The following KAZN variants were observed in gnomAD, a reference collection of about 807,000 sequenced individuals.
The protein encoded by KAZN is kazrin.
KAZN carries 40 observed loss-of-function variants against 87.4 expected under a neutral mutation model. The observed-to-expected ratio is 0.46, with a 90% CI of 0.36 to 0.60. The LOEUF is 0.60. KAZN is among the 20% of genes least tolerant of loss of function. KAZN has a pLI of 0.00. For synonymous variants in KAZN, 466 were observed against 458.3 expected, an observed-to-expected ratio of 1.02 and a Z score of -0.22; for missense variants, 898 against 1,073.9, an observed-to-expected ratio of 0.84 and a Z score of 2.29.
intron 2 of KAZN, among the ~76,000 whole-genome samples, chr1:14,252,055 A>G (rs551592844): frequency 1.8e-4 from 28 of 152,288 alleles, no homozygotes; most frequent in African/African-American, 6.7e-4. Flanking sequence ...AGGAGCCCAG[A>G]TTCAACAGAT....
intron 2 of KAZN, among the ~76,000 whole-genome samples, chr1:14,299,840 C>A (rs1654409479): frequency 6.6e-6 from 1 of 152,170 alleles, no homozygotes; most frequent in South Asian, 2.1e-4. Context: ...CATGGCCAAG[C>A]CCAAAGTCAG....
At chr1:14,991,222 T>C (rs904509073) in intron 2 of KAZN, among the ~76,000 whole-genome samples, 3 of 151,892 alleles carry the variant, frequency 2.0e-5, no homozygotes, top group Non-Finnish European at 4.4e-5. Context: ...GGCGTGGTGG[T>C]GGGCGCCTGT....
chr1:14,516,125 C>T (rs144859759), intron 2 of KAZN, among the ~76,000 whole-genome samples: 5 of 152,168 alleles, frequency 3.3e-5, no homozygotes, highest in Admixed American at 1.3e-4. Context: ...AGCAGCAAGT[C>T]GAACGTAAAT....
chr1:14,338,314 A>AG (rs1481022805), intron 2 of KAZN, among the ~76,000 whole-genome samples: 2 of 36,292 alleles, frequency 5.5e-5, no homozygotes, highest in Non-Finnish European at 6.4e-5. Flanking sequence ...TCTCCACTAA[A>AG]GAAAAAAAAA....
At chr1:14,750,699 C>T (rs920969857) in intron 1 of KAZN, among the ~76,000 whole-genome samples, 1 of 151,932 alleles carries the variant, frequency 6.6e-6, no homozygotes, top group Admixed American at 6.6e-5. Context: ...TTGTTAATTA[C>T]TCTTGCATGG....
chr1:14,855,472 C>T (rs927237330), intron 1 of KAZN, among the ~76,000 whole-genome samples: 3 of 152,234 alleles, frequency 2.0e-5, no homozygotes, highest in African/African-American at 7.2e-5. Context: ...CATTCTCTGA[C>T]TCATTTGCCA....
intron 1 of KAZN, among the ~76,000 whole-genome samples, chr1:14,136,315 C>T (rs1337957696): frequency 3.3e-5 from 5 of 152,116 alleles, no homozygotes; most frequent in Admixed American, 2.0e-4. Context: ...TTTAGCCTCA[C>T]GGGGCCTCAG....
At chr1:14,257,663 G>T (rs959016037) in intron 2 of KAZN, among the ~76,000 whole-genome samples, 1 of 149,882 alleles carries the variant, frequency 6.7e-6, no homozygotes, top group African/African-American at 2.5e-5. Flanking sequence ...TGTAAGGAAG[G>T]GATCCAGTTT....
chr1:14,053,917 C>T (rs2101478055), intron 1 of KAZN, among the ~76,000 whole-genome samples: 1 of 152,010 alleles, frequency 6.6e-6, no homozygotes, highest in Non-Finnish European at 1.5e-5. Flanking sequence ...ATAAAGTAAG[C>T]TAGAGAAAAA....
intron 1 of KAZN, among the ~76,000 whole-genome samples, chr1:14,066,494 A>G (rs72861252): frequency 0.042 from 6,418 of 152,256 alleles, 467 homozygotes; most frequent in African/African-American, 0.15. Context: ...CTTTCACTCT[A>G]TGATGACGGG....
intron 1 of KAZN, among the ~76,000 whole-genome samples, chr1:14,664,468 A>G (rs1286588061): frequency 6.6e-6 from 1 of 152,092 alleles, no homozygotes; most frequent in African/African-American, 2.4e-5. Context: ...AGGGGCAACC[A>G]TGTTGATATT....
intron 1 of KAZN, among the ~76,000 whole-genome samples, chr1:14,679,556 A>AAC (rs1640445622): frequency 6.6e-6 from 1 of 152,088 alleles, no homozygotes; most frequent in Non-Finnish European, 1.5e-5. Context: ...TCTAGGAACT[A>AAC]ACACTCCCTC....
Position 13,893,615 on chromosome 1 carries a change from C to T in KAZN, c.-51C>T, listed in dbSNP as rs1348332092. Reference sequence around the variant, plus strand: ...GACGGCATCCTTTGCTCTGACACTCCAAGGGTCTGGACGCTGCCACATGAC... The same window carrying T: ...GACGGCATCCTTTGCTCTGACACTCTAAGGGTCTGGACGCTGCCACATGAC... On this transcript the variant is annotated 5_prime_UTR_variant, in exon 1 of 17. Transcript: ENST00000636203. 42 of 1,546,122 alleles carry T rather than the reference C, an allele frequency of 2.7e-5. No homozygotes were observed. The African/African-American group carries it at 2.7e-4, about 10-fold the overall frequency.
Position 15,081,435 on chromosome 1 carries a change from C to G in KAZN, c.1223-12745C>G, listed in dbSNP as rs1639999061. 6.6e-6 allele frequency among the ~76,000 whole-genome samples: 1 copy of G among 152,148 alleles called. No homozygotes were observed. The highest frequency in any genetic ancestry group is 1.5e-5 in the Non-Finnish European group (1 of 68,032). On this transcript the variant is annotated intron_variant, in intron 8 of 14. Coordinates refer to ENST00000376030, the MANE Select transcript of KAZN (RefSeq NM_201628.3). The surrounding 1 kb of genome is among the most constrained non-coding windows in gnomAD (Gnocchi z 4.1). ...AGATGTCTAGGGAGCAAAACCAGGC[C>G]CAGCGCCTGCTCATGTGCAGTTTAT...
chr1:14,102,245 G>C (rs1318675954), intron 1 of KAZN, among the ~76,000 whole-genome samples: 1 of 152,152 alleles, frequency 6.6e-6, no homozygotes, highest in Non-Finnish European at 1.5e-5. Context: ...CCAGTGCTGA[G>C]AGCAATCAGA....
intron 1 of KAZN, among the ~76,000 whole-genome samples, chr1:14,957,230 G>C (rs1445235478): frequency 6.6e-6 from 1 of 152,160 alleles, no homozygotes; most frequent in African/African-American, 2.4e-5. Flanking sequence ...TAAGAGACTT[G>C]CTGCCTCCAT....
chr1:14,524,382 G>T (rs1266711597), intron 2 of KAZN, among the ~76,000 whole-genome samples: 1 of 152,100 alleles, frequency 6.6e-6, no homozygotes, highest in Non-Finnish European at 1.5e-5. Flanking sequence ...AGGGTCAGGG[G>T]TCTGGAGCCA....
At chr1:14,511,450 C>T (rs1337341297) in intron 2 of KAZN, among the ~76,000 whole-genome samples, 1 of 152,176 alleles carries the variant, frequency 6.6e-6, no homozygotes, top group Non-Finnish European at 1.5e-5. Context: ...GGAACAAATT[C>T]TAAGTATGGC....
chr1:13,988,312 C>T (rs1325513393), intron 1 of KAZN, among the ~76,000 whole-genome samples: 2 of 151,810 alleles, frequency 1.3e-5, no homozygotes, highest in South Asian at 2.1e-4. Context: ...GCTATATAGT[C>T]GGGGTAAATA....
Sources: gnomAD v4.1 joint callset for allele counts (sites outside exome capture counted in the v4.1 genomes callset) on GRCh38, gnomAD v4.1.1 for gene constraint, Gnocchi (gnomAD v3.1) non-coding constraint, MANE v1.5 for transcripts, NCBI Gene and HGNC (gene_info 2026-07-23, HGNC 2026-07-21) for gene names.